NEUROD4: variants seen among roughly 807,000 people sequenced by gnomAD.
NEUROD4 encodes the protein neuronal differentiation 4, also known as neurogenic differentiation factor 4.
Under a neutral mutation model 19.8 loss-of-function variants are expected in NEUROD4, and 16 were observed. The observed-to-expected ratio is 0.81, with a 90% CI of 0.55 to 1.23. NEUROD4 has a LOEUF of 1.23. NEUROD4 is among the 50% of genes most tolerant of loss of function. The pLI is 0.00. For synonymous variants in NEUROD4, 153 were observed against 147.9 expected, an observed-to-expected ratio of 1.03 and a Z score of -0.25; for missense variants, 439 against 398.6, an observed-to-expected ratio of 1.10 and a Z score of -0.86.
intron 1 of NEUROD4, among the ~76,000 whole-genome samples, chr12:55,024,993 A>C (rs748843930): frequency 1.1e-4 from 16 of 152,264 alleles, no homozygotes; most frequent in Non-Finnish European, 2.2e-4. Context: ...TTGAGGCTCA[A>C]GCATCAAAGA....
chr12:55,026,419 TC>T lies in NEUROD4; in HGVS notation c.-9-9del. The T allele has an allele frequency of 6.4e-7, 1 of 1,570,848 alleles. No homozygotes were observed. The highest frequency in any genetic ancestry group is 8.6e-7 in the Non-Finnish European group (1 of 1,162,686). On this transcript the variant is annotated splice_polypyrimidine_tract_variant and intron_variant, in intron 1 of 1. Transcript: ENST00000242994. ...CTCACAGGAATTAACCTTTGATATT[TC>T]CCTTTTCCAGAGTCTGGAAATGTCA...
chr12:55,027,428 C>A lies in NEUROD4; in HGVS notation c.989C>A (p.Thr330Asn). The change falls in exon 2 of 2, where the codon ACT becomes AAT. Residue 330 changes from threonine (T) to asparagine (N), a missense_variant. By Grantham distance (65) the Thr-to-Asn change is moderately conservative. Coordinates refer to ENST00000242994, the MANE Select transcript of NEUROD4 (RefSeq NM_021191.3). ...GIGTQLNTVF[T>N]E ...GGGACCCAACTCAATACAGTCTTCA[C>A]TGAGTGAGGCAGTTAAGTTCAATGT... The A allele has an allele frequency of 6.3e-7, 1 of 1,594,662 alleles. No individual in the cohort carries two copies. The highest frequency in any genetic ancestry group is 1.1e-5 in the South Asian group (1 of 87,854).
chr12:55,022,999 A>G (rs1952685221), intron 1 of NEUROD4, among the ~76,000 whole-genome samples: 1 of 152,168 alleles, frequency 6.6e-6, no homozygotes, highest in Admixed American at 6.5e-5. Flanking sequence ...TTCATGTTGT[A>G]TGACACTATT....
At chr12:55,021,877 A>G (rs1385011974) in intron 1 of NEUROD4, among the ~76,000 whole-genome samples, 1 of 151,770 alleles carries the variant, frequency 6.6e-6, no homozygotes, top group African/African-American at 2.4e-5. Flanking sequence ...CTGCCCCTTG[A>G]GCCAGTATTC....
In NEUROD4 at chr12:55,022,766, C is replaced by T. The variant is rs1952683234; in HGVS notation, c.-10+2453C>T. ...AGTTGATAGGGCTTGGTTTCCTTAC[C>T]TCTTGCTACAGAACAGAAACTTTGA... is the stretch of plus-strand genomic sequence containing the variant. On this transcript the variant is annotated intron_variant, in intron 1 of 1. Coordinates refer to ENST00000242994, the MANE Select transcript of NEUROD4 (RefSeq NM_021191.3). Among the ~76,000 whole-genome samples the T allele has an allele frequency of 2.0e-5, 3 of 152,054 alleles. No homozygotes were observed. The South Asian group carries it at 6.2e-4, about 32-fold the overall frequency.
At chr12:55,022,385 C>T (rs1455557090) in intron 1 of NEUROD4, among the ~76,000 whole-genome samples, 1 of 152,082 alleles carries the variant, frequency 6.6e-6, no homozygotes, top group African/African-American at 2.4e-5. Flanking sequence ...ATTTTCAACA[C>T]TCAAATTTAA....
At chr12:55,022,731 C>T (rs1473003492) in intron 1 of NEUROD4, among the ~76,000 whole-genome samples, 1 of 152,114 alleles carries the variant, frequency 6.6e-6, no homozygotes, top group Non-Finnish European at 1.5e-5. Context: ...CTAGTCAACT[C>T]AGTGGAGGCA....
At chr12:55,025,080 G>A (rs1345112541) in intron 1 of NEUROD4, among the ~76,000 whole-genome samples, 1 of 152,168 alleles carries the variant, frequency 6.6e-6, no homozygotes, top group African/African-American at 2.4e-5. Flanking sequence ...AAGAGTAGCT[G>A]GTAAACTGGG....
Position 55,028,674 on chromosome 12 carries a change from C to G in NEUROD4, c.*1239C>G, listed in dbSNP as rs745604011. 9.6e-5 allele frequency: 16 copies of G among 167,050 alleles called. No homozygotes were observed. Among genetic ancestry groups the G allele is most frequent in the Admixed American group, 2.6e-4 (4 of 15,266 alleles). 10.3% of individuals were successfully genotyped at this position (167,050 alleles called of 1,614,324 possible). A position where few individuals can be genotyped will look rare whatever the true frequency, so the allele number is the denominator to read the frequency against. ...ATCTCTCCCCCTACACTAATTGTTA[C>G]CTCTTCCTCACTTCTAAGATAGAAT... On this transcript the variant is annotated 3_prime_UTR_variant, in exon 2 of 2. Transcript: ENST00000242994.
chr12:55,027,020 ACT>A lies in NEUROD4; in HGVS notation c.584_585del (p.Ser195CysfsTer16). 1 of 1,613,836 alleles carries A rather than the reference ACT, an allele frequency of 6.2e-7. No homozygotes were observed. Among genetic ancestry groups the A allele is most frequent in the South Asian group, 1.1e-5 (1 of 91,062 alleles). On this transcript the variant is annotated frameshift_variant, in exon 2 of 2. Transcript: ENST00000242994. LOFTEE classifies it high-confidence loss of function. ...CACGAGGATAAATCTCCTATTTGTGACTCTGCCATCTCTGTCCACAACTTCAA... is the reference window on the plus strand; with the variant it reads ...CACGAGGATAAATCTCCTATTTGTGACTGCCATCTCTGTCCACAACTTCAA...
rs1438093575 is a variant in NEUROD4, at chr12:55,027,989, C to T, written c.*554C>T. 1 of 167,158 alleles carries T rather than the reference C, an allele frequency of 6.0e-6. No homozygotes were observed. Among genetic ancestry groups the T allele is most frequent in the Non-Finnish European group, 1.5e-5 (1 of 68,184 alleles). 10.4% of individuals were successfully genotyped at this position (167,158 alleles called of 1,614,324 possible). ...GGATCACAAGGTACATGTCTCTTGG[C>T]TCACAGAATGCAAAGCTTGTTTGGA... On this transcript the variant is annotated 3_prime_UTR_variant, in exon 2 of 2. Transcript: ENST00000242994.
In NEUROD4 at chr12:55,027,053, A is replaced by C. The variant is rs1952742053; in HGVS notation, c.614A>C (p.Gln205Pro). The change falls in exon 2 of 2, where the codon CAG becomes CCG. Residue 205 changes from glutamine (Q) to proline (P), a missense_variant. Physicochemically the swap from Gln to Pro is moderately conservative, Grantham distance 76 (BLOSUM62 -1). Coordinates refer to ENST00000242994, the MANE Select transcript of NEUROD4 (RefSeq NM_021191.3). ...SAISVHNFNYQSPGLPSPPYG... is the reference protein window; with the variant it reads ...SAISVHNFNYPSPGLPSPPYG... The stretch of plus-strand genomic sequence containing the variant: ...ATCTCTGTCCACAACTTCAACTATC[A>C]GTCTCCGGGGCTTCCTAGCCCTCCT... 1.2e-6 allele frequency: 2 copies of C among 1,614,008 alleles called. No individual in the cohort carries two copies. Among genetic ancestry groups the C allele is most frequent in the Non-Finnish European group, 1.7e-6 (2 of 1,179,996 alleles).
In NEUROD4 at chr12:55,026,877, C is replaced by T. The variant is rs1322442804; in HGVS notation, c.438C>T (p.Gly146=). 6 of 1,614,100 alleles carry T rather than the reference C, an allele frequency of 3.7e-6. No homozygotes were observed. The highest frequency in any genetic ancestry group is 2.2e-5 in the East Asian group (1 of 44,888). The part of the protein sequence containing the change: ...IWALSEVLET[G]QTPEGKGFVE... ...CTTTATCTGAAGTCCTGGAGACTGGCCAGACACCTGAAGGGAAAGGCTTTG... is the reference window on the plus strand; with the variant it reads ...CTTTATCTGAAGTCCTGGAGACTGGTCAGACACCTGAAGGGAAAGGCTTTG... The change falls in exon 2 of 2, where the codon GGC becomes GGT. Residue 146 remains glycine (G), a synonymous_variant. Transcript: ENST00000242994.
intron 1 of NEUROD4, among the ~76,000 whole-genome samples, chr12:55,021,399 T>C (rs1224364678): frequency 6.6e-6 from 1 of 152,226 alleles, no homozygotes; most frequent in African/African-American, 2.4e-5. Context: ...CTTTCTGTTG[T>C]ATTTAGTCAT....
At chr12:55,022,628 G>A (rs1952682243) in intron 1 of NEUROD4, among the ~76,000 whole-genome samples, 1 of 152,074 alleles carries the variant, frequency 6.6e-6, no homozygotes, top group African/African-American at 2.4e-5. Context: ...GTATGTGATT[G>A]AATAGGAGTG....
rs1169745370 is a variant in NEUROD4 at position 55,029,692 on chromosome 12, T to C, written c.*2257T>C. 6.0e-6 allele frequency: 1 copy of C among 167,082 alleles called. No individual in the cohort carries two copies. Among genetic ancestry groups the C allele is most frequent in the African/African-American group, 2.4e-5 (1 of 41,458 alleles). The allele number at this position is 167,082 out of a possible 1,614,324, so 10.3% of individuals were successfully genotyped here. On this transcript the variant is annotated 3_prime_UTR_variant, in exon 2 of 2. Coordinates refer to ENST00000242994, the MANE Select transcript of NEUROD4 (RefSeq NM_021191.3). ...TTATAAAAAGCAGCAATAATTCGAA[T>C]GGCTATGCAAGTTAATGTTTTTAGA...
At chr12:55,024,653 T>C (rs550132921) in intron 1 of NEUROD4, among the ~76,000 whole-genome samples, 1 of 152,320 alleles carries the variant, frequency 6.6e-6, no homozygotes, top group African/African-American at 2.4e-5. Context: ...CTGCCTGAGT[T>C]AGAAGTGCAG....
Position 55,028,728 on chromosome 12 carries a change from C to A in NEUROD4, c.*1293C>A, listed in dbSNP as rs1952761656. On this transcript the variant is annotated 3_prime_UTR_variant, in exon 2 of 2. Transcript: ENST00000242994. ...TTATTATATATTGTAAATAACATTTCAGGTGACCAAACTTAAGGATGCAGA... is the reference window on the plus strand; with the variant it reads ...TTATTATATATTGTAAATAACATTTAAGGTGACCAAACTTAAGGATGCAGA... The A allele has an allele frequency of 6.0e-6, 1 of 167,080 alleles. No individual in the cohort carries two copies. Among genetic ancestry groups the A allele is most frequent in the African/African-American group, 2.4e-5 (1 of 41,450 alleles). The allele number at this position is 167,080 out of a possible 1,614,324, so 10.3% of individuals were successfully genotyped here. A position where few individuals can be genotyped will look rare whatever the true frequency, so the allele number is the denominator to read the frequency against.
intron 1 of NEUROD4, among the ~76,000 whole-genome samples, chr12:55,020,859 C>T (rs1952669249): frequency 4.6e-5 from 7 of 152,122 alleles, no homozygotes; most frequent in Admixed American, 4.6e-4. Flanking sequence ...GAATAGTTGG[C>T]ACAGGGTGGG....
Sources: gnomAD v4.1 joint callset for allele counts (sites outside exome capture counted in the v4.1 genomes callset) on GRCh38, gnomAD v4.1.1 for gene constraint, MANE v1.5 for transcripts, NCBI Gene and HGNC (gene_info 2026-07-23, HGNC 2026-07-21) for gene names.